Variants in KCNIP4 observed in about 807,000 individuals in gnomAD.
The protein encoded by KCNIP4 is Kv channel-interacting protein 4.
KCNIP4 carries 12 observed loss-of-function variants against 34.0 expected under a neutral mutation model. That is an observed-to-expected ratio of 0.35 (90% CI 0.23 to 0.57). The LOEUF (loss-of-function observed/expected upper bound fraction) is 0.57. Among genes scored for constraint, KCNIP4 ranks in the 20% least tolerant of loss-of-function variants. The pLI is 0.83. For missense variants in KCNIP4, 238 were observed against 311.7 expected, an observed-to-expected ratio of 0.76 and a Z score of 1.78; for synonymous variants, 124 against 102.2, an observed-to-expected ratio of 1.21 and a Z score of -1.29.
At chr4:21,469,438 A>AT (rs1368647138) in intron 1 of KCNIP4, among the ~76,000 whole-genome samples, 1 of 152,136 alleles carries the variant, frequency 6.6e-6, no homozygotes, top group Admixed American at 6.5e-5. Flanking sequence ...TACAGAGTAA[A>AT]TTTTTTCAAG....
intron 1 of KCNIP4, among the ~76,000 whole-genome samples, chr4:21,349,042 G>T (rs1446128171): frequency 6.6e-6 from 1 of 152,180 alleles, no homozygotes; most frequent in East Asian, 1.9e-4. Flanking sequence ...GATTAAATAA[G>T]ATATGGTTCA....
intron 1 of KCNIP4, among the ~76,000 whole-genome samples, chr4:21,662,849 A>C (rs916793337): frequency 2.5e-4 from 38 of 152,352 alleles, no homozygotes; most frequent in Admixed American, 2.5e-3. Context: ...CATGTTTTCC[A>C]ATGGAAACTG....
intron 1 of KCNIP4, among the ~76,000 whole-genome samples, chr4:20,958,229 T>G (rs933452173): frequency 6.6e-6 from 1 of 152,224 alleles, no homozygotes; most frequent in Non-Finnish European, 1.5e-5. Flanking sequence ...GAGGATGCAG[T>G]AGGCAAAGTT....
chr4:21,924,438 G>T (rs1398840941), intron 1 of KCNIP4, among the ~76,000 whole-genome samples: 1 of 151,684 alleles, frequency 6.6e-6, no homozygotes, highest in South Asian at 2.1e-4. Context: ...TAGAGACAGG[G>T]TTTCACTGTG....
intron 1 of KCNIP4, among the ~76,000 whole-genome samples, chr4:21,745,590 T>A (rs997486694): frequency 1.3e-5 from 2 of 152,130 alleles, no homozygotes; most frequent in Non-Finnish European, 2.9e-5. Flanking sequence ...AATAGTTATA[T>A]TATACAGGTC....
intron 1 of KCNIP4, among the ~76,000 whole-genome samples, chr4:21,635,250 C>A (rs1227151172): frequency 1.3e-5 from 2 of 152,086 alleles, no homozygotes; most frequent in Non-Finnish European, 2.9e-5. Flanking sequence ...ATGGCAGCAT[C>A]CTTTCTAATG....
At chr4:21,781,147 G>A (rs533273241) in intron 1 of KCNIP4, among the ~76,000 whole-genome samples, 22 of 152,252 alleles carry the variant, frequency 1.4e-4, no homozygotes, top group South Asian at 4.2e-4. Flanking sequence ...TGATTGGATC[G>A]TGGGGGTGGT....
intron 1 of KCNIP4, among the ~76,000 whole-genome samples, chr4:20,997,625 A>G (rs887404590): frequency 2.0e-5 from 3 of 152,176 alleles, no homozygotes; most frequent in Non-Finnish European, 2.9e-5. Flanking sequence ...GCTGACCTCT[A>G]CCTGAGAGGG....
intron 1 of KCNIP4, among the ~76,000 whole-genome samples, chr4:21,445,965 A>G (rs565108662): frequency 6.6e-6 from 1 of 152,360 alleles, no homozygotes; most frequent in East Asian, 1.9e-4. Flanking sequence ...TGGGCGAAGA[A>G]TATGAACAGA....
intron 5 of KCNIP4, among the ~76,000 whole-genome samples, chr4:20,737,309 A>G (rs1289173007): frequency 6.6e-6 from 1 of 152,184 alleles, no homozygotes; most frequent in Non-Finnish European, 1.5e-5. Flanking sequence ...CCAAGGTTGG[A>G]AAAATGTTCA....
At chr4:21,625,681 G>A (rs1180037289) in intron 1 of KCNIP4, among the ~76,000 whole-genome samples, 1 of 152,142 alleles carries the variant, frequency 6.6e-6, no homozygotes. Flanking sequence ...CTATATAAGA[G>A]AGAAGTACTT....
chr4:21,577,960 A>G (rs912697315), intron 1 of KCNIP4, among the ~76,000 whole-genome samples: 3 of 152,138 alleles, frequency 2.0e-5, no homozygotes, highest in African/African-American at 4.8e-5. Context: ...GTTTTAGAAA[A>G]CTCACAAGTT....
chr4:21,637,193 T>C (rs1228881121), intron 1 of KCNIP4, among the ~76,000 whole-genome samples: 1 of 152,178 alleles, frequency 6.6e-6, no homozygotes, highest in Non-Finnish European at 1.5e-5. Flanking sequence ...CTTGGCACTT[T>C]ATATCCGTTT....
At chr4:21,091,231 G>C (rs918393285) in intron 1 of KCNIP4, among the ~76,000 whole-genome samples, 1 of 152,112 alleles carries the variant, frequency 6.6e-6, no homozygotes, top group Non-Finnish European at 1.5e-5. Context: ...CAAGCACTTG[G>C]CTAGCTTCTG....
chr4:21,766,066 G>A (rs1462213484), intron 1 of KCNIP4, among the ~76,000 whole-genome samples: 1 of 152,042 alleles, frequency 6.6e-6, no homozygotes, highest in Non-Finnish European at 1.5e-5. Context: ...CCTGATTAAC[G>A]CTCTCTGAGT....
chr4:20,912,143 G>C (rs990069783), intron 1 of KCNIP4, among the ~76,000 whole-genome samples: 5 of 152,026 alleles, frequency 3.3e-5, no homozygotes, highest in Non-Finnish European at 5.9e-5. Context: ...CATTTCTGGG[G>C]CTCTGACTAG....
intron 1 of KCNIP4, among the ~76,000 whole-genome samples, chr4:21,040,951 G>T (rs1438028924): frequency 3.6e-5 from 1 of 27,484 alleles, no homozygotes; most frequent in Non-Finnish European, 6.9e-5. Context: ...TAATGAAACA[G>T]AGTAAAAAAA....
chr4:21,876,627 T>A (rs1032251714), intron 1 of KCNIP4, among the ~76,000 whole-genome samples: 8 of 152,222 alleles, frequency 5.3e-5, no homozygotes, highest in East Asian at 1.9e-4. Context: ...AATGCTATTT[T>A]AAAAAAATAA....
At chr4:21,134,643 C>T (rs1178152485) in intron 1 of KCNIP4, among the ~76,000 whole-genome samples, 1 of 152,086 alleles carries the variant, frequency 6.6e-6, no homozygotes, top group African/African-American at 2.4e-5. Context: ...CTTCTCTTGG[C>T]TTCTTCTCAT....
Sources: allele counts gnomAD v4.1 joint callset (sites outside exome capture counted in the v4.1 genomes callset), GRCh38; gene constraint gnomAD v4.1.1; transcripts MANE v1.5; gene names NCBI Gene and HGNC (gene_info 2026-07-23, HGNC 2026-07-21).